The following PCDH7 variants were observed in gnomAD, a reference collection of about 807,000 sequenced individuals.
PCDH7 encodes protocadherin-7.
A neutral mutation model predicts 58.9 loss-of-function variants in PCDH7; 17 were observed. The ratio of observed to expected loss-of-function variants is 0.29; its 90% CI spans 0.20 to 0.43. The LOEUF is 0.43. Among genes scored for constraint, PCDH7 ranks in the 20% least tolerant of loss-of-function variants. The pLI, the probability that PCDH7 is intolerant of heterozygous loss-of-function variation, is 1.00. For synonymous variants in PCDH7, 664 were observed against 616.4 expected (o/e 1.08, Z -1.14); for missense variants, 1,274 against 1,441.0 (o/e 0.88, Z 1.88).
At chr4:30,877,744 C>T (rs1011125141) in intron 1 of PCDH7, among the ~76,000 whole-genome samples, 1 of 152,118 alleles carries the variant, frequency 6.6e-6, no homozygotes, top group Non-Finnish European at 1.5e-5. Flanking sequence ...AAATTTCATA[C>T]ATATAGCTTT....
intron 1 of PCDH7, chr4:30,776,220 T>C (rs1722050864): frequency 6.6e-6 from 1 of 152,226 alleles, no homozygotes; most frequent in Non-Finnish European, 1.5e-5. Flanking sequence ...TGTACCACAT[T>C]CATTGACTTA....
rs186666721 is a variant in PCDH7, at chr4:30,833,368, C to T, written c.71-86785C>T. ...GCTGTATTCCTTGGCTTACAGTCCCCTTCCATCTTCAAAGTCAGCAGTGGC... is the reference window on the plus strand; with the variant it reads ...GCTGTATTCCTTGGCTTACAGTCCCTTTCCATCTTCAAAGTCAGCAGTGGC... On this transcript the variant is annotated intron_variant, in intron 1 of 3. Transcript: ENST00000509759. Among the ~76,000 whole-genome samples the T allele has an allele frequency of 1.9e-3, 292 of 152,240 alleles. 2 individuals carry two copies. Among genetic ancestry groups the T allele is most frequent in the African/African-American group, 6.4e-3 (266 of 41,536 alleles).
chr4:30,892,379 A>T (rs1266490645), intron 1 of PCDH7, among the ~76,000 whole-genome samples: 1 of 152,046 alleles, frequency 6.6e-6, no homozygotes, highest in Non-Finnish European at 1.5e-5. Flanking sequence ...GGATTCTCTA[A>T]ACTGAATATT....
intron 3 of PCDH7, among the ~76,000 whole-genome samples, chr4:31,060,930 C>T (rs545225209): frequency 3.2e-4 from 48 of 151,730 alleles, no homozygotes; most frequent in African/African-American, 1.1e-3. Context: ...GGAAAGTTTT[C>T]ATTATTCTCA....
chr4:31,055,286 T>TA (rs1266960508), intron 3 of PCDH7, among the ~76,000 whole-genome samples: 2 of 152,210 alleles, frequency 1.3e-5, no homozygotes, highest in Non-Finnish European at 2.9e-5. Context: ...CATTTTCTGT[T>TA]AAAAATATTG....
At chr4:30,818,410 G>T (rs1246036520) in intron 1 of PCDH7, among the ~76,000 whole-genome samples, 1 of 152,090 alleles carries the variant, frequency 6.6e-6, no homozygotes, top group African/African-American at 2.4e-5. Context: ...ATGCCAAAAG[G>T]AAGCCTTATG....
chr4:30,791,707 T>A (rs1369218697), intron 1 of PCDH7, among the ~76,000 whole-genome samples: 1 of 152,208 alleles, frequency 6.6e-6, no homozygotes, highest in African/African-American at 2.4e-5. Context: ...TCAAATCTTA[T>A]AGCTCTGTGA....
At chr4:31,100,880 C>T (rs1714806614) in intron 3 of PCDH7, among the ~76,000 whole-genome samples, 1 of 152,174 alleles carries the variant, frequency 6.6e-6, no homozygotes, top group Non-Finnish European at 1.5e-5. Context: ...GTTTCATAAT[C>T]TCTGGAGAAA....
intron 1 of PCDH7, among the ~76,000 whole-genome samples, chr4:30,852,658 G>A (rs1732907785): frequency 6.6e-6 from 1 of 151,778 alleles, no homozygotes; most frequent in African/African-American, 2.4e-5. Context: ...TTAAAACTTT[G>A]CACATGAGCC....
At chr4:31,136,781 T>C (rs1719653961) in intron 3 of PCDH7, among the ~76,000 whole-genome samples, 1 of 152,180 alleles carries the variant, frequency 6.6e-6, no homozygotes. Context: ...CAGGGATATT[T>C]TAGTTATTTA....
At chr4:30,910,558 A>C (rs1741598123) in intron 1 of PCDH7, among the ~76,000 whole-genome samples, 1 of 152,206 alleles carries the variant, frequency 6.6e-6, no homozygotes, top group Non-Finnish European at 1.5e-5. Flanking sequence ...TATGAAAAAA[A>C]GCCCATCATC....
chr4:30,827,394 T>A (rs988765084), intron 1 of PCDH7, among the ~76,000 whole-genome samples: 2 of 152,168 alleles, frequency 1.3e-5, no homozygotes, highest in African/African-American at 2.4e-5. Flanking sequence ...CAAGTCTCTG[T>A]CTGTAAAGAC....
intron 1 of PCDH7, among the ~76,000 whole-genome samples, chr4:30,838,515 A>C (rs913583737): frequency 2.0e-5 from 3 of 152,144 alleles, no homozygotes; most frequent in Non-Finnish European, 4.4e-5. Context: ...CCCCTTTTAA[A>C]ATAAACATAG....
chr4:30,764,213 C>T (rs1018372871), intron 1 of PCDH7, among the ~76,000 whole-genome samples: 3 of 152,120 alleles, frequency 2.0e-5, no homozygotes, highest in African/African-American at 2.4e-5. Context: ...AAGTTACACA[C>T]ACTTCATTGA....
intron 2 of PCDH7, among the ~76,000 whole-genome samples, chr4:30,933,541 A>T (rs1744950990): frequency 6.6e-6 from 1 of 152,134 alleles, no homozygotes; most frequent in South Asian, 2.1e-4. Flanking sequence ...GATTTTGCAT[A>T]TTCTTTCTTA....
At chr4:30,796,266 T>A (rs1724758800) in intron 1 of PCDH7, among the ~76,000 whole-genome samples, 1 of 152,254 alleles carries the variant, frequency 6.6e-6, no homozygotes, top group African/African-American at 2.4e-5. Context: ...ATCTTTAGAT[T>A]GACTACTTCT....
At chr4:30,794,164 T>C (rs1724490314) in intron 1 of PCDH7, among the ~76,000 whole-genome samples, 1 of 152,176 alleles carries the variant, frequency 6.6e-6, no homozygotes, top group African/African-American at 2.4e-5. Context: ...TTCTGCCATT[T>C]TGCAACAGCA....
At chr4:31,079,146 G>A (rs1446491343) in intron 3 of PCDH7, among the ~76,000 whole-genome samples, 1 of 150,972 alleles carries the variant, frequency 6.6e-6, no homozygotes, top group Non-Finnish European at 1.5e-5. Flanking sequence ...GAATGAGGAT[G>A]TTTTCTTTTG....
At chr4:31,069,687 C>T (rs1271939631) in intron 3 of PCDH7, among the ~76,000 whole-genome samples, 1 of 151,978 alleles carries the variant, frequency 6.6e-6, no homozygotes, top group Non-Finnish European at 1.5e-5. Flanking sequence ...TGAAGCCTAT[C>T]TATGAATGAA....
Sources: gnomAD v4.1 joint callset for allele counts (sites outside exome capture counted in the v4.1 genomes callset) on GRCh38, gnomAD v4.1.1 for gene constraint, MANE v1.5 for transcripts, NCBI Gene and HGNC (gene_info 2026-07-23, HGNC 2026-07-21) for gene names.